The following ASPRV1 variants were observed in gnomAD, a reference collection of about 807,000 sequenced individuals.
ASPRV1 encodes aspartic peptidase retroviral like 1, also known as retroviral-like aspartic protease 1.
ASPRV1 carries 7 observed loss-of-function variants against 11.0 expected under a neutral mutation model. The observed-to-expected ratio is 0.64, with a 90% CI of 0.36 to 1.20. ASPRV1 has a LOEUF of 1.20. ASPRV1 is among the 50% of genes most tolerant of loss of function. The pLI, the probability that ASPRV1 is intolerant of heterozygous loss-of-function variation, is 0.02. For synonymous variants in ASPRV1, 136 were observed against 138.4 expected (o/e 0.98, Z 0.12); for missense variants, 299 against 320.0 (o/e 0.93, Z 0.50).
At chr2:70,019,598 C>T in the ASPRV1 span, among the ~76,000 whole-genome samples, 60 of 152,282 alleles carry the variant, frequency 3.9e-4, no homozygotes, top group African/African-American at 1.4e-3. Context: ...GGAAGGAAAT[C>T]CTGTCGTTTG....
chr2:70,086,747 A>G, the ASPRV1 span, among the ~76,000 whole-genome samples: 1 of 152,252 alleles, frequency 6.6e-6, no homozygotes, highest in African/African-American at 2.4e-5. Context: ...AACCGAAAGA[A>G]ACTTGCGAAA....
the ASPRV1 span, among the ~76,000 whole-genome samples, chr2:70,066,166 C>T: frequency 6.6e-6 from 1 of 151,930 alleles, no homozygotes; most frequent in Non-Finnish European, 1.5e-5. Context: ...CGAAATCATG[C>T]TATTGCACTC....
the ASPRV1 span, among the ~76,000 whole-genome samples, chr2:70,053,136 T>C: frequency 6.6e-6 from 1 of 152,208 alleles, no homozygotes; most frequent in African/African-American, 2.4e-5. Context: ...ACTAAGGTTC[T>C]TGAGACTAAG....
chr2:70,071,404 T>C, the ASPRV1 span, among the ~76,000 whole-genome samples: 14 of 152,200 alleles, frequency 9.2e-5, no homozygotes, highest in African/African-American at 3.1e-4. Flanking sequence ...TGAGTTTGCA[T>C]GTGGAAGATG....
At chr2:69,958,170 C>T (rs1245845294), downstream of ASPRV1, among the ~76,000 whole-genome samples, 4 of 152,334 alleles carry the variant, frequency 2.6e-5, no homozygotes, top group African/African-American at 4.8e-5. Flanking sequence ...CTGGGTTCCA[C>T]GTTGACGCAT....
chr2:69,947,564 C>T, the ASPRV1 span, among the ~76,000 whole-genome samples: 1 of 152,100 alleles, frequency 6.6e-6, no homozygotes, highest in Non-Finnish European at 1.5e-5. Flanking sequence ...AACATCTTTC[C>T]TATTTTAGTA....
chr2:69,959,110 C>A (rs1189015922), downstream of ASPRV1, among the ~76,000 whole-genome samples: 1 of 152,142 alleles, frequency 6.6e-6, no homozygotes, highest in Non-Finnish European at 1.5e-5. Flanking sequence ...TTCAAAAAGT[C>A]CAGGGGCTTC....
chr2:70,027,259 C>CAAAAA, the ASPRV1 span, among the ~76,000 whole-genome samples: 10 of 49,658 alleles, frequency 2.0e-4, no homozygotes, highest in South Asian at 1.7e-3. Flanking sequence ...CCCTGTCTCT[C>CAAAAA]AAAAAAAAAA....
the ASPRV1 span, among the ~76,000 whole-genome samples, chr2:70,078,303 T>C: frequency 6.6e-6 from 1 of 152,166 alleles, no homozygotes; most frequent in South Asian, 2.1e-4. Flanking sequence ...TAATAAACTA[T>C]GGTAGAGAGT....
chr2:69,937,429 G>A, the ASPRV1 span: 1 of 1,545,736 alleles, frequency 6.5e-7, no homozygotes, highest in Non-Finnish European at 8.7e-7. Flanking sequence ...TGTCTCCCTT[G>A]TGCTCCCCAA....
the ASPRV1 span, among the ~76,000 whole-genome samples, chr2:70,025,057 T>G: frequency 6.6e-6 from 1 of 152,184 alleles, no homozygotes; most frequent in African/African-American, 2.4e-5. Flanking sequence ...TTTGTCAATG[T>G]GATTGGATGT....
the ASPRV1 span, among the ~76,000 whole-genome samples, chr2:70,005,287 TG>T: frequency 2.0e-5 from 3 of 152,128 alleles, no homozygotes; most frequent in Non-Finnish European, 4.4e-5. Flanking sequence ...CTTGAACTCC[TG>T]GGCTCAGGCA....
At chr2:69,976,348 G>C in the ASPRV1 span, 1 of 152,480 alleles carries the variant, frequency 6.6e-6, no homozygotes, top group Admixed American at 6.5e-5. Flanking sequence ...CCGATCTGGG[G>C]CAGGAGGCGA....
At chr2:70,077,996 G>C in the ASPRV1 span, among the ~76,000 whole-genome samples, 27 of 151,512 alleles carry the variant, frequency 1.8e-4, no homozygotes, top group African/African-American at 6.3e-4. Context: ...ATGAAACCTC[G>C]TCTCTACTAA....
the ASPRV1 span, among the ~76,000 whole-genome samples, chr2:70,055,008 T>TA: frequency 6.6e-6 from 1 of 152,046 alleles, no homozygotes; most frequent in Non-Finnish European, 1.5e-5. Context: ...AAAGTACTTT[T>TA]AAAAAACACT....
At chr2:69,974,830 T>C in the ASPRV1 span, among the ~76,000 whole-genome samples, 1 of 152,132 alleles carries the variant, frequency 6.6e-6, no homozygotes, top group South Asian at 2.1e-4. Context: ...GTAATGACAA[T>C]GTTGGGTGGG....
the ASPRV1 span, among the ~76,000 whole-genome samples, chr2:69,997,337 G>A: frequency 8.6e-5 from 13 of 151,894 alleles, no homozygotes; most frequent in Non-Finnish European, 1.8e-4. Flanking sequence ...CCATAGTACC[G>A]ACCTAGGCCT....
chr2:70,047,814 G>C, the ASPRV1 span, among the ~76,000 whole-genome samples: 1 of 152,096 alleles, frequency 6.6e-6, no homozygotes, highest in Non-Finnish European at 1.5e-5. Context: ...TGGTGTGTTA[G>C]AAAAACAAGT....
upstream of ASPRV1, chr2:69,964,453 T>A: frequency 2.6e-6 from 1 of 390,070 alleles, no homozygotes; most frequent in Middle Eastern, 3.7e-4. Flanking sequence ...TGGGTAAAGG[T>A]CAGTTCTCAA....
Sources: gnomAD v4.1 joint callset for allele counts (sites outside exome capture counted in the v4.1 genomes callset) on GRCh38, gnomAD v4.1.1 for gene constraint, MANE v1.5 for transcripts, NCBI Gene and HGNC (gene_info 2026-07-23, HGNC 2026-07-21) for gene names.